Variants in TTC6 observed in about 807,000 individuals in gnomAD.
TTC6 encodes tetratricopeptide repeat domain 6, also known as tetratricopeptide repeat protein 6.
In TTC6, 172 loss-of-function variants were observed where a neutral mutation model predicts 210.4. The ratio of observed to expected loss-of-function variants is 0.82; its 90% CI spans 0.72 to 0.93. The LOEUF (loss-of-function observed/expected upper bound fraction) is 0.93. Ranked by LOEUF, TTC6 falls within the 40% of genes least tolerant of loss-of-function variation. The pLI, the probability that TTC6 is intolerant of heterozygous loss-of-function variation, is 0.00. For synonymous variants in TTC6, 804 were observed against 819.6 expected (o/e 0.98, Z 0.32); for missense variants, 2,414 against 2,318.1 (o/e 1.04, Z -0.85).
chr14:37,662,060 G>C (rs12878710), intron 1 of TTC6, among the ~76,000 whole-genome samples: 8,694 of 152,172 alleles, frequency 0.057, 381 homozygotes, highest in Non-Finnish European at 0.089. Flanking sequence ...GGGCTTAGAA[G>C]ATGGGGTTTT....
intron 14 of TTC6, among the ~76,000 whole-genome samples, chr14:37,760,184 G>T (rs1212353106): frequency 6.6e-6 from 1 of 152,144 alleles, no homozygotes; most frequent in Non-Finnish European, 1.5e-5. Flanking sequence ...TGGGGTTTTT[G>T]TGTGGGTGTC....
At chr14:37,767,407 G>T (rs2096002801) in intron 14 of TTC6, among the ~76,000 whole-genome samples, 1 of 152,172 alleles carries the variant, frequency 6.6e-6, no homozygotes, top group South Asian at 2.1e-4. Flanking sequence ...CTAGTTTACA[G>T]TTCCACCAAC....
At chr14:37,817,636 C>T in exon 26 of TTC6, 1 of 1,613,960 alleles carries the variant, frequency 6.2e-7, no homozygotes, top group Non-Finnish European at 8.5e-7. Flanking sequence ...CACGCCACTG[C>T]CATGTGCCAT....
intron 1 of TTC6, among the ~76,000 whole-genome samples, chr14:37,624,890 G>C (rs951715867): frequency 1.3e-5 from 2 of 152,088 alleles, no homozygotes; most frequent in African/African-American, 4.8e-5. Context: ...CAAAGTGCTA[G>C]GATTACAGGC....
chr14:37,820,640 G>T (rs997432580), intron 26 of TTC6, among the ~76,000 whole-genome samples: 4 of 152,076 alleles, frequency 2.6e-5, no homozygotes, highest in Admixed American at 6.6e-5. Context: ...CAATGAATTT[G>T]GTGGAGAATA....
chr14:37,835,716 T>C (rs1395997205), intron 29 of TTC6, among the ~76,000 whole-genome samples: 2 of 152,216 alleles, frequency 1.3e-5, no homozygotes, highest in African/African-American at 4.8e-5. Context: ...TAAATAATTG[T>C]GTTAGAAAGT....
At chr14:37,824,543 G>C (rs2096165841) in intron 27 of TTC6, among the ~76,000 whole-genome samples, 2 of 152,118 alleles carry the variant, frequency 1.3e-5, no homozygotes, top group South Asian at 4.1e-4. Flanking sequence ...ACTGCTCTAG[G>C]CCTAGGGATA....
At chr14:37,684,889 T>C (rs185073487) in intron 3 of TTC6, among the ~76,000 whole-genome samples, 166 of 152,248 alleles carry the variant, frequency 1.1e-3, no homozygotes, top group African/African-American at 3.8e-3. Flanking sequence ...TAAACAGAAG[T>C]AGCACAGAGG....
intron 26 of TTC6, among the ~76,000 whole-genome samples, chr14:37,819,657 T>A (rs934141083): frequency 1.3e-5 from 2 of 152,222 alleles, no homozygotes; most frequent in Non-Finnish European, 2.9e-5. Flanking sequence ...ATATATCCTA[T>A]CTACTTTTTA....
At position 37,739,081 on chromosome 14, in the gene TTC6, G is replaced by A; in HGVS notation, c.2289G>A (p.Trp763Ter). 1 of 1,531,302 alleles carries A rather than the reference G, an allele frequency of 6.5e-7. No homozygotes were observed. 94.9% of individuals were successfully genotyped at this position (1,531,302 alleles called of 1,614,324 possible). A position where few individuals can be genotyped will look rare whatever the true frequency, so the allele number is the denominator to read the frequency against. The change falls in exon 10 of 31, where the codon TGG becomes TGA. Residue 763 changes from tryptophan to a stop codon, truncating the protein, a stop_gained. Transcript: ENST00000553443. LOFTEE classifies it high-confidence loss of function. ...ATCCCAAGAAAAAGAAGATGAGATG[G>A]AAGAAAAGATTGAAACAACAAAAAC...
chr14:37,651,365 T>G (rs1399025369), intron 1 of TTC6, among the ~76,000 whole-genome samples: 51 of 130,904 alleles, frequency 3.9e-4, no homozygotes, highest in African/African-American at 1.4e-3. Flanking sequence ...CTCTTAGAAA[T>G]TGAATATATG....
exon 1 of TTC6, chr14:37,622,630 A>T (rs2095653434): frequency 6.5e-7 from 1 of 1,535,162 alleles, no homozygotes; most frequent in Non-Finnish European, 8.7e-7. Flanking sequence ...GAACAGAGCC[A>T]GGAGGTAGCT....
At chr14:37,669,143 T>C (rs1218859778) in intron 1 of TTC6, among the ~76,000 whole-genome samples, 1 of 152,224 alleles carries the variant, frequency 6.6e-6, no homozygotes, top group Non-Finnish European at 1.5e-5. Context: ...GGTAAAAGTT[T>C]CCACACCTTC....
At chr14:37,817,484 CT>C in intron 25 of TTC6, 93 bp from the exon 28 acceptor site, 1 of 1,036,878 alleles carries the variant, frequency 9.6e-7, no homozygotes, top group South Asian at 1.4e-5. Flanking sequence ...TATCTTAATG[CT>C]TGTGTCATTG....
intron 5 of TTC6, among the ~76,000 whole-genome samples, chr14:37,706,976 A>G (rs1444463640): frequency 6.6e-6 from 1 of 151,562 alleles, no homozygotes; most frequent in East Asian, 1.9e-4. Context: ...TGTACTTGGT[A>G]TTATTTTTGT....
chr14:37,671,400 G>C (rs750918349), intron 1 of TTC6, among the ~76,000 whole-genome samples: 4 of 152,122 alleles, frequency 2.6e-5, no homozygotes, highest in Admixed American at 6.5e-5. Context: ...CATTCAGGAG[G>C]TGGGAATCAT....
intron 1 of TTC6, among the ~76,000 whole-genome samples, chr14:37,633,553 G>A (rs909494461): frequency 3.3e-5 from 5 of 152,158 alleles, no homozygotes; most frequent in East Asian, 3.9e-4. Context: ...GCTGCAGACC[G>A]GAGCTGTTCC....
At chr14:37,714,724 G>A (rs2095849767) in exon 6 of TTC6, 1 of 1,535,536 alleles carries the variant, frequency 6.5e-7, no homozygotes, top group African/African-American at 1.4e-5. Context: ...CACCGCAAGG[G>A]ATACCACCTG....
At chr14:37,635,990 AAAAAAAAAAAG>A in intron 1 of TTC6, among the ~76,000 whole-genome samples, 1 of 150,756 alleles carries the variant, frequency 6.6e-6, no homozygotes, top group African/African-American at 2.4e-5. Flanking sequence ...CCAAAAAAAA[AAAAAAAAAAAG>A]AAAAAAAAAA....
Sources: allele counts gnomAD v4.1 joint callset (sites outside exome capture counted in the v4.1 genomes callset), GRCh38; gene constraint gnomAD v4.1.1; transcripts MANE v1.5; gene names NCBI Gene and HGNC (gene_info 2026-07-23, HGNC 2026-07-21).